LRRC4B: variants seen among roughly 807,000 people sequenced by gnomAD.
The protein encoded by LRRC4B is leucine rich repeat containing 4B, also known as leucine-rich repeat-containing protein 4B.
In LRRC4B, 1 loss-of-function variant was observed where a neutral mutation model predicts 7.3. The ratio of observed to expected loss-of-function variants is 0.14; its 90% CI spans 0.05 to 0.65. LRRC4B has a LOEUF of 0.65. Ranked by LOEUF, LRRC4B falls within the 30% of genes least tolerant of loss-of-function variation. The pLI is 0.84. For missense variants in LRRC4B, 730 were observed against 1,041.6 expected (o/e 0.70, Z 4.12); for synonymous variants, 500 against 499.2 (o/e 1.00, Z -0.02).
chr19:50,562,244 G>A (rs1036669138), intron 1 of LRRC4B, among the ~76,000 whole-genome samples: 1 of 151,994 alleles, frequency 6.6e-6, no homozygotes. Context: ...CCTGCAGGGC[G>A]GCCCACACCA....
In LRRC4B at chr19:50,555,885, G is replaced by A. The variant is rs1291760532; in HGVS notation, c.-35-7012C>T. 6.6e-6 allele frequency: 1 copy of A among 152,462 alleles called. No individual in the cohort carries two copies. The highest frequency in any genetic ancestry group is 1.9e-4 in the East Asian group (1 of 5,186). 9.4% of individuals were successfully genotyped at this position (152,462 alleles called of 1,614,324 possible). A position where few individuals can be genotyped will look rare whatever the true frequency, so the allele number is the denominator to read the frequency against. Reference sequence around the variant, plus strand: ...TAGAGAAGAACTTCCCCACTGCGAGGGACTGGGGCAGAAGTGGAGCCTGGA... The same window carrying A: ...TAGAGAAGAACTTCCCCACTGCGAGAGACTGGGGCAGAAGTGGAGCCTGGA... On this transcript the variant is annotated intron_variant, in intron 1 of 2. Transcript: ENST00000652263. This position sits in a 1 kb window ranked among gnomAD's most constrained non-coding sequence, Gnocchi z 5.2.
In LRRC4B at chr19:50,517,470, G is replaced by T; in HGVS notation, c.*101C>A. ...CCCAATTCCCTGCGTGGTCCCAGAA[G>T]GTGGGCTGGGCTGTGGGAGGGAGGG... On this transcript the variant is annotated 3_prime_UTR_variant, in exon 3 of 3. Transcript: ENST00000652263. The surrounding 1 kb of genome is among the most constrained non-coding windows in gnomAD (Gnocchi z 6.6). 2 of 1,098,086 alleles carry T rather than the reference G, an allele frequency of 1.8e-6. No individual in the cohort carries two copies. The highest frequency in any genetic ancestry group is 2.4e-6 in the Non-Finnish European group (2 of 843,396). 68.0% of individuals were successfully genotyped at this position (1,098,086 alleles called of 1,614,324 possible). A position where few individuals can be genotyped will look rare whatever the true frequency, so the allele number is the denominator to read the frequency against.
At chr19:50,552,844 C>G (rs1472508493) in intron 1 of LRRC4B, among the ~76,000 whole-genome samples, 1 of 152,238 alleles carries the variant, frequency 6.6e-6, no homozygotes, top group Non-Finnish European at 1.5e-5. Context: ...CTGCTATGTG[C>G]TAGACACTAG....
At chr19:50,535,548 T>C (rs964432631) in intron 2 of LRRC4B, among the ~76,000 whole-genome samples, 8 of 152,194 alleles carry the variant, frequency 5.3e-5, no homozygotes, top group Non-Finnish European at 1.2e-4. Flanking sequence ...TGTGTGTTAA[T>C]TTTTTTACAT....
intron 1 of LRRC4B, among the ~76,000 whole-genome samples, chr19:50,561,001 G>T (rs886479666): frequency 1.3e-5 from 2 of 152,172 alleles, no homozygotes; most frequent in Admixed American, 6.5e-5. Context: ...TGAGACAGGA[G>T]AATCGCTTGA....
chr19:50,530,276 C>T lies in LRRC4B; in HGVS notation c.298-10861G>A, dbSNP rs112531626. ...CGCCTCCGGGGCTCCCCAGTGCCCT[C>T]GGGAAGTTCAGCCTGTATTGGAAGC... On this transcript the variant is annotated intron_variant, in intron 2 of 2. Transcript: ENST00000652263. Among the ~76,000 whole-genome samples the T allele has an allele frequency of 5.8e-3, 876 of 152,272 alleles. 9 individuals are homozygous for T. The highest frequency in any genetic ancestry group is 0.02 in the African/African-American group (836 of 41,562).
At chr19:50,535,017 T>A (rs562453650) in intron 2 of LRRC4B, among the ~76,000 whole-genome samples, 14 of 121,478 alleles carry the variant, frequency 1.2e-4, no homozygotes, top group Admixed American at 9.5e-4. Flanking sequence ...TACAGGCGCC[T>A]GCCACCACAC....
rs568618745 is a variant in LRRC4B, at chr19:50,520,153, C to T, written c.298-738G>A. Among the ~76,000 whole-genome samples the T allele has an allele frequency of 2.2e-3, 248 of 114,442 alleles. 3 individuals carry two copies. The Middle Eastern group carries it at 0.031, about 14-fold the overall frequency. 75.1% of individuals were successfully genotyped at this position (114,442 alleles called of 152,430 possible). ...CCTGGAAAGTGAAGGCTGCAGTGAG[C>T]CCTGATCACGCCACTGCACTCCAGC... On this transcript the variant is annotated intron_variant, in intron 2 of 2. Coordinates refer to ENST00000652263, the MANE Select transcript of LRRC4B (RefSeq NM_001080457.2).
chr19:50,538,259 C>T (rs1326517349), intron 2 of LRRC4B, among the ~76,000 whole-genome samples: 5 of 152,186 alleles, frequency 3.3e-5, no homozygotes, highest in African/African-American at 9.6e-5. Context: ...GACGGGGTTT[C>T]GCCATGTTGG....
At chr19:50,565,778 G>A (rs1436795014) in intron 1 of LRRC4B, among the ~76,000 whole-genome samples, 1 of 151,730 alleles carries the variant, frequency 6.6e-6, no homozygotes, top group South Asian at 2.1e-4. Flanking sequence ...GGCTCCCTGC[G>A]TCTCTGCCTC....
intron 1 of LRRC4B, among the ~76,000 whole-genome samples, chr19:50,561,644 A>G (rs1322718492): frequency 1.3e-5 from 2 of 151,856 alleles, no homozygotes; most frequent in Admixed American, 6.6e-5. Context: ...CTGAGGCGGG[A>G]GGATCGCTTG....
chr19:50,550,258 C>CCTCTGGCTCCCAGCTCTCCTTTGCA (rs1345091978), intron 1 of LRRC4B, among the ~76,000 whole-genome samples: 2 of 152,120 alleles, frequency 1.3e-5, no homozygotes, highest in Admixed American at 1.3e-4. Flanking sequence ...CTGGGTCTAC[C>CCTCTGGCTCCCAGCTCTCCTTTGCA]CTCTGGCTCC....
chr19:50,560,773 G>A (rs938394514), intron 1 of LRRC4B, among the ~76,000 whole-genome samples: 1 of 152,310 alleles, frequency 6.6e-6, no homozygotes, highest in Non-Finnish European at 1.5e-5. Context: ...TGACACTTAA[G>A]TGACAGCTAC....
chr19:50,564,885 C>A (rs1047807082), intron 1 of LRRC4B, among the ~76,000 whole-genome samples: 12 of 151,470 alleles, frequency 7.9e-5, no homozygotes, highest in Admixed American at 4.6e-4. Context: ...ACCCCCGCCC[C>A]CAATCCCCAA....
intron 1 of LRRC4B, among the ~76,000 whole-genome samples, chr19:50,565,873 G>C (rs180794888): frequency 5.9e-5 from 9 of 152,006 alleles, no homozygotes; most frequent in Non-Finnish European, 1.0e-4. Flanking sequence ...GAGTAACTCC[G>C]TGACTCCGTG....
At chr19:50,560,464 G>A (rs539235588) in intron 1 of LRRC4B, among the ~76,000 whole-genome samples, 7 of 152,230 alleles carry the variant, frequency 4.6e-5, no homozygotes, top group African/African-American at 1.2e-4. Context: ...TGTAGGTGGG[G>A]AAGGTCTGAT....
rs566013964 is a variant in LRRC4B, at chr19:50,519,899, G to C, written c.298-484C>G. Reference sequence around the variant, plus strand: ...AAACAAACAAAAAAACTGGATTCAAGAATTTTGGGGGACCAAGCACAGGGG... The same window carrying C: ...AAACAAACAAAAAAACTGGATTCAACAATTTTGGGGGACCAAGCACAGGGG... On this transcript the variant is annotated intron_variant, in intron 2 of 2. Coordinates refer to ENST00000652263, the MANE Select transcript of LRRC4B (RefSeq NM_001080457.2). This position sits in a 1 kb window ranked among gnomAD's most constrained non-coding sequence, Gnocchi z 8.1. Among the ~76,000 whole-genome samples, 94 of 149,198 alleles carry C rather than the reference G, an allele frequency of 6.3e-4. 3 individuals carry two copies. The South Asian group carries it at 0.019, about 30-fold the overall frequency.
chr19:50,517,226 A>G lies in LRRC4B; in HGVS notation c.*345T>C. On this transcript the variant is annotated 3_prime_UTR_variant, in exon 3 of 3. Coordinates refer to ENST00000652263, the MANE Select transcript of LRRC4B (RefSeq NM_001080457.2). The surrounding 1 kb of genome is among the most constrained non-coding windows in gnomAD (Gnocchi z 6.6). The stretch of plus-strand genomic sequence containing the variant: ...GAGGGGAAAGGACACCCCTGGAGAA[A>G]GCTCCTCTCTCCCCTGGAAGGCGGC... 4.8e-6 allele frequency: 1 copy of G among 208,462 alleles called. No individual in the cohort carries two copies. Among genetic ancestry groups the G allele is most frequent in the Non-Finnish European group, 9.6e-6 (1 of 104,682 alleles). The allele number at this position is 208,462 out of a possible 1,614,324, so 12.9% of individuals were successfully genotyped here. A position where few individuals can be genotyped will look rare whatever the true frequency, so the allele number is the denominator to read the frequency against.
At chr19:50,539,281 C>T (rs1373535677) in intron 2 of LRRC4B, among the ~76,000 whole-genome samples, 1 of 152,164 alleles carries the variant, frequency 6.6e-6, no homozygotes, top group Non-Finnish European at 1.5e-5. Flanking sequence ...GTGGGACAGA[C>T]ATATATACCT....
Sources: gnomAD v4.1 joint callset for allele counts (sites outside exome capture counted in the v4.1 genomes callset) on GRCh38, gnomAD v4.1.1 for gene constraint, Gnocchi (gnomAD v3.1) non-coding constraint, MANE v1.5 for transcripts, NCBI Gene and HGNC (gene_info 2026-07-23, HGNC 2026-07-21) for gene names.